Variants in ENTREP2 observed in about 807,000 individuals in gnomAD.
ENTREP2 encodes the protein protein ENTREP2.
chr15:29,393,227 G>A, the ENTREP2 span, among the ~76,000 whole-genome samples: 75 of 152,304 alleles, frequency 4.9e-4, 1 homozygote, highest in South Asian at 0.012. Context: ...TGCATTGCTT[G>A]CTGTTCATCA....
At chr15:29,390,041 G>A in the ENTREP2 span, among the ~76,000 whole-genome samples, 1 of 152,178 alleles carries the variant, frequency 6.6e-6, no homozygotes, top group Middle Eastern at 3.4e-3. Flanking sequence ...TGGCTTGAGG[G>A]AGGCTTTTCA....
At chr15:29,148,115 A>G in the ENTREP2 span, among the ~76,000 whole-genome samples, 2 of 152,150 alleles carry the variant, frequency 1.3e-5, no homozygotes, top group Admixed American at 6.6e-5. Flanking sequence ...CAGAAAGTAG[A>G]TTAGTGGTTT....
At chr15:29,604,998 G>T in the ENTREP2 span, among the ~76,000 whole-genome samples, 1 of 152,190 alleles carries the variant, frequency 6.6e-6, no homozygotes, top group Non-Finnish European at 1.5e-5. Flanking sequence ...TTCAAAGGCA[G>T]GCTAACCTCA....
the ENTREP2 span, among the ~76,000 whole-genome samples, chr15:29,313,345 G>A: frequency 2.6e-5 from 4 of 152,206 alleles, no homozygotes; most frequent in Admixed American, 2.6e-4. Flanking sequence ...GACTTTCATA[G>A]CTAAAGAGGG....
chr15:29,566,402 G>A, the ENTREP2 span, among the ~76,000 whole-genome samples: 1 of 152,120 alleles, frequency 6.6e-6, no homozygotes, highest in South Asian at 2.1e-4. Context: ...CTGACCTCGT[G>A]ATCCACCTGC....
At chr15:29,124,866 CAGG>C in the ENTREP2 span, 9 of 1,002,486 alleles carry the variant, frequency 9.0e-6, no homozygotes, top group Admixed American at 8.3e-5. Flanking sequence ...GGCGAGCAAG[CAGG>C]AGAAGCCTGC....
chr15:29,556,767 C>CT, the ENTREP2 span, among the ~76,000 whole-genome samples: 1 of 110,922 alleles, frequency 9.0e-6, no homozygotes. Context: ...CAGGTGCCCC[C>CT]CCCCCGCCCC....
chr15:29,646,702 T>C, the ENTREP2 span, among the ~76,000 whole-genome samples: 3 of 152,210 alleles, frequency 2.0e-5, no homozygotes, highest in Non-Finnish European at 4.4e-5. Flanking sequence ...AAATCCCTTG[T>C]TGGCAGTACC....
chr15:29,580,165 C>T, the ENTREP2 span, among the ~76,000 whole-genome samples: 1 of 152,188 alleles, frequency 6.6e-6, no homozygotes, highest in Admixed American at 6.5e-5. Flanking sequence ...GGTTTCTAAG[C>T]TTCTGGACAG....
the ENTREP2 span, among the ~76,000 whole-genome samples, chr15:29,179,108 C>T: frequency 1.3e-5 from 2 of 152,180 alleles, no homozygotes; most frequent in Non-Finnish European, 2.9e-5. Context: ...GCTAAATTTG[C>T]CATTAGGACA....
At chr15:29,199,214 G>C in the ENTREP2 span, among the ~76,000 whole-genome samples, 1 of 152,140 alleles carries the variant, frequency 6.6e-6, no homozygotes, top group Non-Finnish European at 1.5e-5. Flanking sequence ...CACCAGCACT[G>C]TTCGAGGGTC....
the ENTREP2 span, among the ~76,000 whole-genome samples, chr15:29,490,484 T>C: frequency 6.6e-6 from 1 of 152,132 alleles, no homozygotes. Context: ...ATTGGCCCAT[T>C]TTACAGAGAG....
At chr15:29,270,035 C>CAT in the ENTREP2 span, among the ~76,000 whole-genome samples, 2 of 152,068 alleles carry the variant, frequency 1.3e-5, no homozygotes, top group African/African-American at 4.8e-5. Context: ...ATTCAGACCA[C>CAT]ACAGGCTCAG....
At chr15:29,603,822 A>G in the ENTREP2 span, among the ~76,000 whole-genome samples, 1 of 152,016 alleles carries the variant, frequency 6.6e-6, no homozygotes, top group Non-Finnish European at 1.5e-5. Flanking sequence ...TATTTTTAGG[A>G]GAGATGGGGT....
At chr15:29,435,630 T>C in the ENTREP2 span, among the ~76,000 whole-genome samples, 1 of 151,958 alleles carries the variant, frequency 6.6e-6, no homozygotes, top group Non-Finnish European at 1.5e-5. Flanking sequence ...AATAAGGCCC[T>C]TGGATTCTTT....
chr15:29,598,924 C>T, the ENTREP2 span, among the ~76,000 whole-genome samples: 1 of 152,180 alleles, frequency 6.6e-6, no homozygotes, highest in East Asian at 1.9e-4. Flanking sequence ...TCTCGGTCTC[C>T]TGACCTCGTG....
At chr15:29,322,081 A>G in the ENTREP2 span, among the ~76,000 whole-genome samples, 3 of 152,210 alleles carry the variant, frequency 2.0e-5, no homozygotes, top group East Asian at 5.8e-4. Context: ...GCTTTGAAGA[A>G]GGAATAAATG....
At chr15:29,274,349 A>G in the ENTREP2 span, among the ~76,000 whole-genome samples, 1 of 152,236 alleles carries the variant, frequency 6.6e-6, no homozygotes, top group Non-Finnish European at 1.5e-5. Context: ...ATAGCGAGTA[A>G]GTGGTAGGTG....
the ENTREP2 span, among the ~76,000 whole-genome samples, chr15:29,208,082 G>A: frequency 6.6e-6 from 1 of 152,068 alleles, no homozygotes; most frequent in Non-Finnish European, 1.5e-5. Context: ...ACTGCCTTTT[G>A]TGTCCCCTAC....
Sources: allele counts gnomAD v4.1 joint callset (sites outside exome capture counted in the v4.1 genomes callset), GRCh38; gene constraint gnomAD v4.1.1; transcripts MANE v1.5; gene names NCBI Gene and HGNC (gene_info 2026-07-23, HGNC 2026-07-21).